Variants in PHACTR1 observed in about 807,000 individuals in gnomAD.
PHACTR1 encodes phosphatase and actin regulator 1, also known as RPEL repeat containing 1.
PHACTR1 carries 16 observed loss-of-function variants against 69.2 expected under a neutral mutation model. The observed-to-expected ratio is 0.23, with a 90% CI of 0.16 to 0.35. The LOEUF (loss-of-function observed/expected upper bound fraction) is 0.35, where lower values mean the gene tolerates loss of function less well. Ranked by LOEUF, PHACTR1 falls within the 10% of genes least tolerant of loss-of-function variation. The probability of loss-of-function intolerance (pLI) is 1.00; values close to 1 mark genes in which losing one functional copy is unlikely to be tolerated. For synonymous variants in PHACTR1, 312 were observed against 284.5 expected (o/e 1.10, Z -0.97); for missense variants, 510 against 734.7 (o/e 0.69, Z 3.54).
At chr6:12,843,673 C>T (rs1262477391) in intron 4 of PHACTR1, among the ~76,000 whole-genome samples, 1 of 152,142 alleles carries the variant, frequency 6.6e-6, no homozygotes, top group Non-Finnish European at 1.5e-5. Flanking sequence ...ACATGGGCAA[C>T]TTGAGCTTTG....
At chr6:12,958,346 C>T (rs1247898038) in intron 4 of PHACTR1, among the ~76,000 whole-genome samples, 2 of 152,110 alleles carry the variant, frequency 1.3e-5, no homozygotes, top group Non-Finnish European at 2.9e-5. Flanking sequence ...AGGCAGGCAG[C>T]TCTTAGGAAC....
chr6:12,844,482 G>A (rs1420977605), intron 4 of PHACTR1, among the ~76,000 whole-genome samples: 1 of 152,072 alleles, frequency 6.6e-6, no homozygotes, highest in Non-Finnish European at 1.5e-5. Flanking sequence ...GAAAATATAG[G>A]TTAAGGCACC....
At chr6:12,998,613 C>CAAAAAAA (rs113893363) in intron 4 of PHACTR1, among the ~76,000 whole-genome samples, 2 of 116,534 alleles carry the variant, frequency 1.7e-5, no homozygotes, top group Non-Finnish European at 1.8e-5. Context: ...AAGACCTGGT[C>CAAAAAAA]AAAAAAAAAA....
At chr6:12,759,645 AG>A (rs1767809751) in intron 4 of PHACTR1, among the ~76,000 whole-genome samples, 1 of 152,200 alleles carries the variant, frequency 6.6e-6, no homozygotes, top group South Asian at 2.1e-4. Flanking sequence ...TACAGTCAGA[AG>A]GAAAAAAATG....
intron 4 of PHACTR1, among the ~76,000 whole-genome samples, chr6:12,871,255 A>G (rs756771303): frequency 5.9e-5 from 9 of 152,210 alleles, no homozygotes; most frequent in Non-Finnish European, 1.2e-4. Context: ...GGACATAAGT[A>G]TGGATCACAC....
chr6:13,189,835 AATGTAG>A (rs1420453944), intron 7 of PHACTR1, among the ~76,000 whole-genome samples: 1 of 152,040 alleles, frequency 6.6e-6, no homozygotes, highest in Non-Finnish European at 1.5e-5. Flanking sequence ...GCAACTAAAG[AATGTAG>A]ATTGGGTAGT....
At position 12,749,627 on chromosome 6, in the gene PHACTR1, C is replaced by A; in HGVS notation, c.104-17C>A. 3 of 1,586,092 alleles carry A rather than the reference C, an allele frequency of 1.9e-6. No homozygotes were observed. In the South Asian group the frequency reaches 3.3e-5, roughly 18 times the overall value. Reference sequence around the variant, plus strand: ...TCCGCCTCTCTCCCTCTCCCTCCGTCTCCTTCTCCCTCTCAGCTCGCCGGG... The same window carrying A: ...TCCGCCTCTCTCCCTCTCCCTCCGTATCCTTCTCCCTCTCAGCTCGCCGGG... On this transcript the variant is annotated splice_polypyrimidine_tract_variant and intron_variant, in intron 3 of 14. Transcript: ENST00000332995.
chr6:12,928,289 G>A (rs1347063039), intron 4 of PHACTR1, among the ~76,000 whole-genome samples: 1 of 152,188 alleles, frequency 6.6e-6, no homozygotes, highest in African/African-American at 2.4e-5. Context: ...TTTTCGCTAT[G>A]TGTGTTAGAA....
rs187551762 is a variant in PHACTR1 at position 13,245,223 on chromosome 6, G to A, written c.1391+15030G>A. On this transcript the variant is annotated intron_variant, in intron 10 of 14. Coordinates refer to ENST00000332995, the MANE Select transcript of PHACTR1 (RefSeq NM_030948.6). This position sits in a 1 kb window ranked among gnomAD's most constrained non-coding sequence, Gnocchi z 4.1. Reference sequence around the variant, plus strand: ...CCAGTAACGGGATTGCAAGGTCGACGGGTAATTCTGTTTTAAGTTCTTTGA... The same window carrying A: ...CCAGTAACGGGATTGCAAGGTCGACAGGTAATTCTGTTTTAAGTTCTTTGA... Among the ~76,000 whole-genome samples the A allele has an allele frequency of 1.9e-3, 296 of 152,248 alleles. 1 individual carries two copies. The highest frequency in any genetic ancestry group is 2.9e-3 in the Non-Finnish European group (200 of 68,016).
At chr6:12,805,341 G>A (rs974707009) in intron 4 of PHACTR1, among the ~76,000 whole-genome samples, 6 of 152,106 alleles carry the variant, frequency 3.9e-5, no homozygotes, top group Non-Finnish European at 7.4e-5. Flanking sequence ...TCAAATAATT[G>A]TCAGTCCCCT....
rs1032495605 is a variant in PHACTR1, at chr6:12,811,523, TTAAGA to T, written c.250+61735_250+61739del. 1.4e-4 allele frequency among the ~76,000 whole-genome samples: 21 copies of T among 152,364 alleles called. No homozygotes were observed. In the South Asian group the frequency reaches 1.7e-3, roughly 12 times the overall value. On this transcript the variant is annotated intron_variant, in intron 4 of 14. Coordinates refer to ENST00000332995, the MANE Select transcript of PHACTR1 (RefSeq NM_030948.6). ...AATGTAAAACCATTGAACTGTGCAC[TTAAGA>T]TTAGTGTACGTGATGTATTTTATTT...
At position 13,228,989 on chromosome 6, in the gene PHACTR1, A is replaced by G. The variant is rs150012184; in HGVS notation, c.1234+926A>G. 1.1e-3 allele frequency among the ~76,000 whole-genome samples: 161 copies of G among 152,334 alleles called. 3 individuals are homozygous for G. In the East Asian group the frequency reaches 0.029, roughly 27 times the overall value. On this transcript the variant is annotated intron_variant, in intron 9 of 14. Transcript: ENST00000332995. Reference sequence around the variant, plus strand: ...CTCGCTCTCTACTTACCAGGCTTCAAATAGCTGGCTCCAAGTAAGACCTGG... The same window carrying G: ...CTCGCTCTCTACTTACCAGGCTTCAGATAGCTGGCTCCAAGTAAGACCTGG...
intron 4 of PHACTR1, among the ~76,000 whole-genome samples, chr6:12,841,279 G>C (rs1778674995): frequency 6.6e-6 from 1 of 152,166 alleles, no homozygotes; most frequent in East Asian, 1.9e-4. Context: ...TCTTCCATTA[G>C]ACCAATGTGT....
At chr6:13,221,643 T>C (rs1438170813) in intron 8 of PHACTR1, among the ~76,000 whole-genome samples, 1 of 152,194 alleles carries the variant, frequency 6.6e-6, no homozygotes, top group Admixed American at 6.5e-5. Flanking sequence ...ATAGTACCTA[T>C]CTCTTAGGAT....
chr6:12,857,369 T>C (rs1254501663), intron 4 of PHACTR1, among the ~76,000 whole-genome samples: 2 of 151,740 alleles, frequency 1.3e-5, no homozygotes, highest in African/African-American at 4.8e-5. Context: ...CCCGGCACTG[T>C]GGGAGGCCGA....
intron 4 of PHACTR1, among the ~76,000 whole-genome samples, chr6:12,964,401 A>G (rs574829664): frequency 8.9e-4 from 135 of 152,320 alleles, no homozygotes; most frequent in Non-Finnish European, 1.6e-3. Flanking sequence ...TTAACCTAAG[A>G]GTCTTGAGAG....
At chr6:13,104,592 G>A (rs891898434) in intron 5 of PHACTR1, among the ~76,000 whole-genome samples, 2 of 152,082 alleles carry the variant, frequency 1.3e-5, no homozygotes, top group Admixed American at 6.6e-5. Flanking sequence ...AATAGATCAA[G>A]TTTTATTCCA....
At chr6:12,777,888 T>C (rs1770296784) in intron 4 of PHACTR1, among the ~76,000 whole-genome samples, 1 of 152,174 alleles carries the variant, frequency 6.6e-6, no homozygotes, top group South Asian at 2.1e-4. Flanking sequence ...TGCCTTGGCC[T>C]CCCAAAGTGC....
At chr6:13,090,047 T>G (rs972593076) in intron 5 of PHACTR1, among the ~76,000 whole-genome samples, 4 of 151,672 alleles carry the variant, frequency 2.6e-5, no homozygotes, top group African/African-American at 9.7e-5. Context: ...TTGTTTTGGG[T>G]TTTTTTGTTG....
Sources: gnomAD v4.1 joint callset for allele counts (sites outside exome capture counted in the v4.1 genomes callset) on GRCh38, gnomAD v4.1.1 for gene constraint, Gnocchi (gnomAD v3.1) non-coding constraint, MANE v1.5 for transcripts, NCBI Gene and HGNC (gene_info 2026-07-23, HGNC 2026-07-21) for gene names.